The following RNF216 variants were observed in gnomAD, a reference collection of about 807,000 sequenced individuals.
The protein encoded by RNF216 is E3 ubiquitin-protein ligase RNF216.
In RNF216, 72 loss-of-function variants were observed where a neutral mutation model predicts 110.8. The ratio of observed to expected loss-of-function variants is 0.65; its 90% confidence interval spans 0.54 to 0.79. RNF216 has a LOEUF of 0.79. Among genes scored for constraint, RNF216 ranks in the 30% least tolerant of loss-of-function variants. RNF216 has a pLI of 0.00. For missense variants in RNF216, 1,342 were observed against 1,141.2 expected (o/e 1.18, Z -2.54); for synonymous variants, 495 against 407.5 (o/e 1.21, Z -2.59).
intron 2 of RNF216, among the ~76,000 whole-genome samples, chr7:5,760,029 A>T (rs1236471875): frequency 6.6e-6 from 1 of 152,174 alleles, no homozygotes; most frequent in African/African-American, 2.4e-5. Flanking sequence ...AAACCAGTAT[A>T]ACCTCTTCCA....
At chr7:5,654,461 C>A (rs1362319723) in intron 13 of RNF216, among the ~76,000 whole-genome samples, 1 of 151,742 alleles carries the variant, frequency 6.6e-6, no homozygotes, top group Admixed American at 6.6e-5. Context: ...CCAAGGCAGG[C>A]AAATCATTTG....
At chr7:5,657,449 C>T (rs2128581649) in intron 13 of RNF216, among the ~76,000 whole-genome samples, 1 of 152,250 alleles carries the variant, frequency 6.6e-6, no homozygotes, top group Non-Finnish European at 1.5e-5. Flanking sequence ...TGCCTATAAT[C>T]CCAGCTACTC....
rs769331092 is a variant in RNF216 at position 5,741,806 on chromosome 7, GTTTA to G, written c.207_210del (p.Lys70LeufsTer18). The G allele has an allele frequency of 1.6e-5, 26 of 1,593,110 alleles. No individual in the cohort carries two copies. The highest frequency in any genetic ancestry group is 2.7e-5 in the African/African-American group (2 of 73,398). On this transcript the variant is annotated frameshift_variant, in exon 4 of 17. Transcript: ENST00000389902. LOFTEE classifies it high-confidence loss of function. The stretch of plus-strand genomic sequence containing the variant: ...ATGAGATTGGGTCGTGATCTCTGAG[GTTTA>G]TTTGTCTAAGAAAAAATGAAATTTT...
intron 16 of RNF216, among the ~76,000 whole-genome samples, chr7:5,623,650 C>T (rs1786530033): frequency 6.6e-6 from 1 of 151,970 alleles, no homozygotes; most frequent in Non-Finnish European, 1.5e-5. Flanking sequence ...CCCAGGCTAG[C>T]CCCAACCTCC....
chr7:5,660,251 C>T (rs1789016859), intron 13 of RNF216, among the ~76,000 whole-genome samples: 1 of 133,552 alleles, frequency 7.5e-6, no homozygotes, highest in Non-Finnish European at 1.6e-5. Flanking sequence ...CAGAGCCCGG[C>T]CCTGTTTTAA....
chr7:5,673,972 T>C (rs1485407043), intron 13 of RNF216, among the ~76,000 whole-genome samples: 2 of 150,582 alleles, frequency 1.3e-5, no homozygotes, highest in Non-Finnish European at 3.0e-5. Flanking sequence ...GTAATTCTCC[T>C]GCCTCAGCCT....
At chr7:5,753,666 T>G (rs1795449015) in intron 2 of RNF216, among the ~76,000 whole-genome samples, 1 of 152,146 alleles carries the variant, frequency 6.6e-6, no homozygotes, top group Non-Finnish European at 1.5e-5. Flanking sequence ...CCTGTCTAGT[T>G]CCATGGGAAT....
chr7:5,712,572 A>G, intron 12 of RNF216, 143 bp downstream of exon 12: 1 of 772,116 alleles, frequency 1.3e-6, no homozygotes, highest in Non-Finnish European at 2.0e-6. Context: ...AAATAAGTAA[A>G]ATTATTGATA....
chr7:5,680,288 G>T lies in RNF216; in HGVS notation c.2062-27778C>A. The T allele has an allele frequency of 6.6e-6, 1 of 152,250 alleles. No homozygotes were observed. 9.4% of individuals were successfully genotyped at this position (152,250 alleles called of 1,614,324 possible). ...CAGGGAAGTGGTTCCTTTGTCCCCCGCCCTGCCCCCAGCTAGCTCTGTCAT... is the reference window on the plus strand; with the variant it reads ...CAGGGAAGTGGTTCCTTTGTCCCCCTCCCTGCCCCCAGCTAGCTCTGTCAT... On this transcript the variant is annotated intron_variant, in intron 13 of 16. Transcript: ENST00000389902. This position sits in a 1 kb window ranked among gnomAD's most constrained non-coding sequence, Gnocchi z 4.3.
chr7:5,724,447 A>G (rs746003951), intron 8 of RNF216, among the ~76,000 whole-genome samples: 7 of 152,238 alleles, frequency 4.6e-5, no homozygotes, highest in Non-Finnish European at 8.8e-5. Context: ...GGCTATGTAC[A>G]AGGATGCCTG....
At chr7:5,704,015 TA>T (rs1274265122) in intron 13 of RNF216, among the ~76,000 whole-genome samples, 1 of 152,232 alleles carries the variant, frequency 6.6e-6, no homozygotes, top group African/African-American at 2.4e-5. Context: ...AATTCATTCC[TA>T]AAAGCAGCAC....
chr7:5,647,531 A>G (rs1389279475), intron 14 of RNF216, among the ~76,000 whole-genome samples: 1 of 151,766 alleles, frequency 6.6e-6, no homozygotes, highest in Non-Finnish European at 1.5e-5. Context: ...AGAGGGTCTC[A>G]CTTTGTTGCC....
intron 13 of RNF216, among the ~76,000 whole-genome samples, chr7:5,656,566 G>T (rs1213521260): frequency 6.6e-6 from 1 of 152,162 alleles, no homozygotes; most frequent in African/African-American, 2.4e-5. Flanking sequence ...CCTCTCAGGG[G>T]GGAAGGAGCA....
chr7:5,623,247 C>T (rs561877372), intron 16 of RNF216, 68 bp from the exon 17 acceptor site: 16 of 1,450,252 alleles, frequency 1.1e-5, no homozygotes, highest in Non-Finnish European at 1.4e-5. Flanking sequence ...AGCCTGGGAC[C>T]AGGGCAGCGA....
chr7:5,673,259 C>T (rs1790041336), intron 13 of RNF216, among the ~76,000 whole-genome samples: 1 of 152,210 alleles, frequency 6.6e-6, no homozygotes. Context: ...TGGCCTCTCC[C>T]CGCCCACCTA....
Position 5,624,629 on chromosome 7 carries a change from G to A in RNF216, c.2383-504C>T, listed in dbSNP as rs1393767108. On this transcript the variant is annotated intron_variant, in intron 15 of 16. Transcript: ENST00000389902. The surrounding 1 kb of genome is among the most constrained non-coding windows in gnomAD (Gnocchi z 4.4). ...CCCCAAGGCTGGCCTTGGCTCCTGG[G>A]CCAGGCCTCGGGGAGAGGAGGAAGG... Among the ~76,000 whole-genome samples, 3 of 152,242 alleles carry A rather than the reference G, an allele frequency of 2.0e-5. No individual in the cohort carries two copies. Among genetic ancestry groups the A allele is most frequent in the Admixed American group, 6.5e-5 (1 of 15,290 alleles).
intron 1 of RNF216, 54 bp downstream of exon 1, chr7:5,781,487 G>A (rs1157734010): frequency 7.0e-6 from 1 of 143,328 alleles, no homozygotes; most frequent in African/African-American, 2.6e-5. Context: ...GAGAGGCCGC[G>A]TCGCCTCACA....
In RNF216 at chr7:5,633,370, G is replaced by T. The variant is rs184428129; in HGVS notation, c.2382+7784C>A. Among the ~76,000 whole-genome samples the T allele has an allele frequency of 2.3e-3, 349 of 151,548 alleles. 2 individuals are homozygous for T. Among genetic ancestry groups the T allele is most frequent in the Non-Finnish European group, 2.7e-3 (185 of 67,870 alleles). On this transcript the variant is annotated intron_variant, in intron 15 of 16. Transcript: ENST00000389902. ...GCAGGTGGATCATTTGAGGTCAGGAGTTTGAGACCAGTCTGATCAACACGG... is the reference window on the plus strand; with the variant it reads ...GCAGGTGGATCATTTGAGGTCAGGATTTTGAGACCAGTCTGATCAACACGG...
In RNF216 at chr7:5,624,730, A is replaced by C. The variant is rs1375291450; in HGVS notation, c.2383-605T>G. On this transcript the variant is annotated intron_variant, in intron 15 of 16. Transcript: ENST00000389902. This position sits in a 1 kb window ranked among gnomAD's most constrained non-coding sequence, Gnocchi z 4.4. Reference sequence around the variant, plus strand: ...CCCCATGCTTGGTAGGCCTGAAATAACAAACACAATTCACACTTGGGTTAT... The same window carrying C: ...CCCCATGCTTGGTAGGCCTGAAATACCAAACACAATTCACACTTGGGTTAT... Among the ~76,000 whole-genome samples, 2 of 152,228 alleles carry C rather than the reference A, an allele frequency of 1.3e-5. No individual in the cohort carries two copies. The highest frequency in any genetic ancestry group is 3.8e-4 in the East Asian group (2 of 5,196).
Sources: allele counts gnomAD v4.1 joint callset (sites outside exome capture counted in the v4.1 genomes callset), GRCh38; gene constraint gnomAD v4.1.1; non-coding constraint Gnocchi (gnomAD v3.1); transcripts MANE v1.5; gene names NCBI Gene and HGNC (gene_info 2026-07-23, HGNC 2026-07-21).